The following LINGO2 variants were observed in gnomAD, a reference collection of about 807,000 sequenced individuals.
LINGO2 encodes leucine-rich repeat and immunoglobulin-like domain-containing nogo receptor-interacting protein 2.
A neutral mutation model predicts 30.6 loss-of-function variants in LINGO2; 14 were observed. The observed-to-expected ratio is 0.46, with a 90% confidence interval of 0.30 to 0.72. The LOEUF is 0.72. LINGO2 is among the 30% of genes least tolerant of loss of function. The pLI is 0.07. For synonymous variants in LINGO2, 317 were observed against 288.5 expected (o/e 1.10, Z -1.00); for missense variants, 729 against 751.7 (o/e 0.97, Z 0.35).
chr9:29,137,642 G>C, the LINGO2 span, among the ~76,000 whole-genome samples: 1 of 152,090 alleles, frequency 6.6e-6, no homozygotes, highest in Non-Finnish European at 1.5e-5. Context: ...AAAGACTTAA[G>C]GGCATGGGCT....
At chr9:28,825,735 T>C in the LINGO2 span, among the ~76,000 whole-genome samples, 1 of 152,190 alleles carries the variant, frequency 6.6e-6, no homozygotes, top group Admixed American at 6.6e-5. Context: ...GCCTGCTTTC[T>C]ATGCCAGCCT....
intron 2 of LINGO2, among the ~76,000 whole-genome samples, chr9:28,427,244 T>C (rs1217582791): frequency 6.6e-6 from 1 of 152,020 alleles, no homozygotes; most frequent in Non-Finnish European, 1.5e-5. Context: ...CATTAAGAGC[T>C]CCCTTCTCTC....
chr9:28,941,673 C>A, the LINGO2 span, among the ~76,000 whole-genome samples: 2 of 152,130 alleles, frequency 1.3e-5, no homozygotes, highest in Admixed American at 1.3e-4. Flanking sequence ...ACTATTTTTA[C>A]ACTCCCATAC....
chr9:27,949,845 G>A (rs1355043414), exon 6 of LINGO2: 2 of 1,614,102 alleles, frequency 1.2e-6, no homozygotes, highest in Non-Finnish European at 1.7e-6. Context: ...GTTAAGGTGA[G>A]TCAGGTATAC....
rs550742644 is a variant in LINGO2 at position 28,124,058 on chromosome 9, C to T, written c.-86-111653G>A. ...TTTTGATAATAGAAAACACAACTCC[C>T]ACAACAATGGAGATGTCATTTCAAG... On this transcript the variant is annotated intron_variant, in intron 4 of 5. Transcript: ENST00000379992. 1.4e-3 allele frequency among the ~76,000 whole-genome samples: 216 copies of T among 152,242 alleles called. 2 individuals are homozygous for T. Among genetic ancestry groups the T allele is most frequent in the African/African-American group, 5.2e-3 (215 of 41,550 alleles).
chr9:28,309,815 A>G (rs919613117), intron 3 of LINGO2, among the ~76,000 whole-genome samples: 1 of 152,092 alleles, frequency 6.6e-6, no homozygotes, highest in Non-Finnish European at 1.5e-5. Flanking sequence ...ACTTAATCAT[A>G]TAAAAGCAAA....
intron 4 of LINGO2, among the ~76,000 whole-genome samples, chr9:28,075,462 A>C (rs1445381488): frequency 6.6e-6 from 1 of 151,990 alleles, no homozygotes; most frequent in Non-Finnish European, 1.5e-5. Context: ...TATCTAGGAA[A>C]AGAATTGCTA....
At chr9:28,545,495 G>C (rs1428820689) in intron 1 of LINGO2, among the ~76,000 whole-genome samples, 1 of 152,040 alleles carries the variant, frequency 6.6e-6, no homozygotes, top group Non-Finnish European at 1.5e-5. Context: ...TCCTAGGCTT[G>C]GGATGGAGGC....
chr9:28,787,356 T>C, the LINGO2 span, among the ~76,000 whole-genome samples: 4 of 152,200 alleles, frequency 2.6e-5, no homozygotes, highest in Admixed American at 2.0e-4. Context: ...TAACTGTATC[T>C]ATACCAATCA....
chr9:28,981,965 C>T, the LINGO2 span, among the ~76,000 whole-genome samples: 1 of 152,020 alleles, frequency 6.6e-6, no homozygotes, highest in East Asian at 1.9e-4. Flanking sequence ...ATTCAACTGC[C>T]GGCATAAGTG....
intron 5 of LINGO2, among the ~76,000 whole-genome samples, chr9:27,968,735 A>G (rs2118717678): frequency 6.6e-6 from 1 of 152,068 alleles, no homozygotes; most frequent in East Asian, 1.9e-4. Flanking sequence ...GTATATAGAT[A>G]ACTTGCTATA....
intron 1 of LINGO2, among the ~76,000 whole-genome samples, chr9:28,635,287 T>C (rs946866534): frequency 2.6e-5 from 4 of 152,082 alleles, no homozygotes; most frequent in Non-Finnish European, 5.9e-5. Context: ...AAGACAAATA[T>C]GATAAGGAAG....
the LINGO2 span, among the ~76,000 whole-genome samples, chr9:29,032,630 A>G: frequency 6.6e-6 from 1 of 152,184 alleles, no homozygotes; most frequent in South Asian, 2.1e-4. Flanking sequence ...TCTGTTGTGT[A>G]CTCAGTTACA....
At chr9:28,189,613 GAGGGAGGGAGGAAGGGAGGGAGGAAGGA>G (rs1819720593) in intron 4 of LINGO2, among the ~76,000 whole-genome samples, 1 of 1,208 alleles carries the variant, frequency 8.3e-4, no homozygotes, top group Non-Finnish European at 1.7e-3. Context: ...GGAAGGAAGG[GAGGGAGGGAGGAAGGGAGGGAGGAAGGA>G]AGGGAGGGAG....
chr9:28,602,774 A>T (rs1023490063), intron 1 of LINGO2, among the ~76,000 whole-genome samples: 4 of 152,090 alleles, frequency 2.6e-5, no homozygotes, highest in African/African-American at 9.7e-5. Context: ...CTCCATACAG[A>T]AGGCTGAATG....
At chr9:28,030,156 C>T (rs1428499457) in intron 4 of LINGO2, among the ~76,000 whole-genome samples, 1 of 152,140 alleles carries the variant, frequency 6.6e-6, no homozygotes, top group Non-Finnish European at 1.5e-5. Context: ...AGGGAAGAAT[C>T]AAACACTGCA....
chr9:29,002,388 T>C, the LINGO2 span, among the ~76,000 whole-genome samples: 4 of 152,066 alleles, frequency 2.6e-5, no homozygotes, highest in Admixed American at 6.6e-5. Context: ...GAATAGCACA[T>C]ACACAGATCT....
At chr9:28,538,873 T>G (rs1262491633) in intron 1 of LINGO2, among the ~76,000 whole-genome samples, 2 of 151,886 alleles carry the variant, frequency 1.3e-5, no homozygotes, top group African/African-American at 4.8e-5. Context: ...GTCATATTCA[T>G]ACCACAGCAG....
chr9:28,783,948 C>T, the LINGO2 span, among the ~76,000 whole-genome samples: 280 of 152,240 alleles, frequency 1.8e-3, 1 homozygote, highest in African/African-American at 6.5e-3. Flanking sequence ...CTGTTCTCTT[C>T]TCCCCTTATA....
Sources: allele counts gnomAD v4.1 joint callset (sites outside exome capture counted in the v4.1 genomes callset), GRCh38; gene constraint gnomAD v4.1.1; transcripts MANE v1.5; gene names NCBI Gene and HGNC (gene_info 2026-07-23, HGNC 2026-07-21).